Variants in USP25 observed in about 807,000 individuals in gnomAD.
The protein encoded by USP25 is ubiquitin specific peptidase 25, also known as ubiquitin carboxyl-terminal hydrolase 25.
A neutral mutation model predicts 158.5 loss-of-function variants in USP25; 85 were observed. The observed-to-expected ratio is 0.54, with a 90% CI of 0.45 to 0.64. The LOEUF is 0.64. Among genes scored for constraint, USP25 ranks in the 30% least tolerant of loss-of-function variants. USP25 has a pLI of 0.00. For missense variants in USP25, 1,242 were observed against 1,327.3 expected (o/e 0.94, Z 1.00); for synonymous variants, 464 against 460.4 (o/e 1.01, Z -0.10).
chr21:15,802,654 A>G (rs899071182), intron 6 of USP25, among the ~76,000 whole-genome samples: 1 of 151,704 alleles, frequency 6.6e-6, no homozygotes, highest in Non-Finnish European at 1.5e-5. Context: ...AACAGTGATT[A>G]GTGGAAGATA....
chr21:15,859,131 TATATA>T (rs1453226364), intron 20 of USP25, among the ~76,000 whole-genome samples: 2 of 148,764 alleles, frequency 1.3e-5, no homozygotes, highest in African/African-American at 2.4e-5. Flanking sequence ...AAATTATATA[TATATA>T]ATATATCTAT....
At position 15,879,051 on chromosome 21, in the gene USP25, G is replaced by GT. The variant is rs1419085188; in HGVS notation, c.*579dup. Reference sequence around the variant, plus strand: ...CTCTAATGCTAGCAAATTGGAAAATGTTTAAGTCTTTGACACTTAAATTTA... The same window carrying GT: ...CTCTAATGCTAGCAAATTGGAAAATGTTTTAAGTCTTTGACACTTAAATTTA... On this transcript the variant is annotated 3_prime_UTR_variant, in exon 26 of 26. Transcript: ENST00000400183. 6.6e-6 allele frequency: 1 copy of GT among 152,418 alleles called. No individual in the cohort carries two copies. Among genetic ancestry groups the GT allele is most frequent in the Admixed American group, 6.6e-5 (1 of 15,240 alleles). 9.4% of individuals were successfully genotyped at this position (152,418 alleles called of 1,614,324 possible).
At chr21:15,733,479 C>T (rs1393185887) in intron 1 of USP25, among the ~76,000 whole-genome samples, 1 of 151,998 alleles carries the variant, frequency 6.6e-6, no homozygotes, top group East Asian at 1.9e-4. Context: ...ATGCTTTAAT[C>T]CCAGCACTTT....
chr21:15,792,158 A>G (rs947511495), intron 5 of USP25, among the ~76,000 whole-genome samples: 1 of 151,800 alleles, frequency 6.6e-6, no homozygotes, highest in African/African-American at 2.4e-5. Context: ...GATGTGATGA[A>G]TAAATATTGA....
At position 15,762,901 on chromosome 21, in the gene USP25, C is replaced by A. The variant is rs144168951; in HGVS notation, c.56C>A (p.Thr19Lys). Residue 19 changes from threonine to lysine, a missense_variant, in exon 2 of 26, where the codon ACG (threonine) becomes AAG (lysine). This residue lies in a region of USP25 where 627 missense variants were observed against 701.4 expected (regional missense o/e 0.89). Coordinates refer to ENST00000400183, the MANE Select transcript of USP25 (RefSeq NM_001283041.3). ...TTTTCCTCCCTCTAGCACCAGCAGA[C>A]GTTTTTGAATCAACTGAGAGAAATT... is the stretch of plus-strand genomic sequence containing the variant. Reference protein sequence around the residue: ...QQSAAQKHQQTFLNQLREITG... With the variant: ...QQSAAQKHQQKFLNQLREITG... 8.1e-6 allele frequency: 13 copies of A among 1,612,310 alleles called. No individual in the cohort carries two copies. Among genetic ancestry groups the A allele is most frequent in the Middle Eastern group, 1.7e-4 (1 of 6,052 alleles).
chr21:15,842,515 A>G lies in USP25; in HGVS notation c.2312A>G (p.Lys771Arg). The change falls in exon 18 of 26, where the codon AAA becomes AGA. Residue 771 changes from lysine (K) to arginine (R), a missense_variant. Coordinates refer to ENST00000400183, the MANE Select transcript of USP25 (RefSeq NM_001283041.3). ...AAGGCATCACATGAGCATGAAGATA[A>G]AAGTCCTGAAACAGTTTTGCAGTCG... The part of the protein sequence containing the change: ...ITKASHEHED[K>R]SPETVLQSKP... 6.2e-7 allele frequency: 1 copy of G among 1,613,650 alleles called. No homozygotes were observed. Among genetic ancestry groups the G allele is most frequent in the Non-Finnish European group, 8.5e-7 (1 of 1,179,662 alleles).
chr21:15,817,005 G>A (rs1262899968), intron 9 of USP25, among the ~76,000 whole-genome samples: 3 of 151,840 alleles, frequency 2.0e-5, no homozygotes, highest in Non-Finnish European at 4.4e-5. Context: ...GGTGGTGGGC[G>A]CCTGTAATCC....
intron 20 of USP25, among the ~76,000 whole-genome samples, chr21:15,851,836 A>G (rs1269540041): frequency 6.6e-6 from 1 of 151,872 alleles, no homozygotes; most frequent in Non-Finnish European, 1.5e-5. Flanking sequence ...TTTTCTCCTG[A>G]TCCATAACTA....
chr21:15,734,296 A>AT (rs1178672916), intron 1 of USP25, among the ~76,000 whole-genome samples: 3 of 152,210 alleles, frequency 2.0e-5, no homozygotes, highest in African/African-American at 7.2e-5. Flanking sequence ...TTAAAATAAC[A>AT]TGTATTTTCC....
At chr21:15,870,222 G>A in intron 23 of USP25, 75 bp downstream of exon 23, 1 of 963,438 alleles carries the variant, frequency 1.0e-6, no homozygotes, top group Non-Finnish European at 1.5e-6. Flanking sequence ...CCTCATCCAT[G>A]GAAAAGATTT....
intron 6 of USP25, among the ~76,000 whole-genome samples, chr21:15,804,573 ACAGT>A (rs779828767): frequency 6.6e-6 from 1 of 152,040 alleles, no homozygotes; most frequent in Non-Finnish European, 1.5e-5. Flanking sequence ...CACCACAGTG[ACAGT>A]CGGTGATTCA....
chr21:15,879,160 G>T lies in USP25; in HGVS notation c.*685G>T, dbSNP rs895207966. On this transcript the variant is annotated 3_prime_UTR_variant, in exon 26 of 26. Transcript: ENST00000400183. The stretch of plus-strand genomic sequence containing the variant: ...AGTCAGGTTTTTACTCAAGTAAGTG[G>T]TTGATTTTTTTTAAGTCAAACTACA... The T allele has an allele frequency of 6.6e-6, 1 of 152,400 alleles. No homozygotes were observed. Among genetic ancestry groups the T allele is most frequent in the Non-Finnish European group, 1.5e-5 (1 of 67,992 alleles). 9.4% of individuals were successfully genotyped at this position (152,400 alleles called of 1,614,324 possible).
At chr21:15,803,636 C>G (rs376209570) in intron 6 of USP25, among the ~76,000 whole-genome samples, 1 of 151,762 alleles carries the variant, frequency 6.6e-6, no homozygotes, top group East Asian at 1.9e-4. Flanking sequence ...CACTAATTTC[C>G]AAAAATTATT....
At chr21:15,787,908 C>G in intron 4 of USP25, among the ~76,000 whole-genome samples, 1 of 145,840 alleles carries the variant, frequency 6.9e-6, no homozygotes, top group South Asian at 2.3e-4. Flanking sequence ...CCTCACCCCC[C>G]CCCCAAGTAA....
chr21:15,875,298 G>A lies in USP25; in HGVS notation c.3009+772G>A, dbSNP rs1416985627. On this transcript the variant is annotated intron_variant, in intron 24 of 25. Transcript: ENST00000400183. The surrounding 1 kb of genome is among the most constrained non-coding windows in gnomAD (Gnocchi z 4.7). ...ACATACATAGAACCAAAACCTGATG[G>A]TTCCTCTGAAACCTTCAAAAAATGG... Among the ~76,000 whole-genome samples the A allele has an allele frequency of 6.6e-6, 1 of 152,128 alleles. No homozygotes were observed. Among genetic ancestry groups the A allele is most frequent in the African/African-American group, 2.4e-5 (1 of 41,436 alleles).
At chr21:15,765,189 G>A (rs1403118878) in intron 2 of USP25, among the ~76,000 whole-genome samples, 1 of 152,026 alleles carries the variant, frequency 6.6e-6, no homozygotes, top group Non-Finnish European at 1.5e-5. Context: ...AGATAGCTTC[G>A]TTGTGAATAT....
rs1382238640 is a variant in USP25 at position 15,808,839 on chromosome 21, T to C, written c.811T>C (p.Leu271=). 6.2e-7 allele frequency: 1 copy of C among 1,610,732 alleles called. No individual in the cohort carries two copies. Among genetic ancestry groups the C allele is most frequent in the Non-Finnish European group, 8.5e-7 (1 of 1,179,244 alleles). Residue 271 remains leucine (L), a synonymous_variant, in exon 8 of 26, where the codon TTA becomes CTA. Coordinates refer to ENST00000400183, the MANE Select transcript of USP25 (RefSeq NM_001283041.3). Reference sequence around the variant, plus strand: ...TGTGAGTGAGTTTACACACAAATTATTAGATTGGTTAGAAGATGCCTTCCA... The same window carrying C: ...TGTGAGTGAGTTTACACACAAATTACTAGATTGGTTAGAAGATGCCTTCCA... ...QDVSEFTHKL[L]DWLEDAFQMK...
At chr21:15,868,731 G>A (rs1473229845) in intron 22 of USP25, among the ~76,000 whole-genome samples, 2 of 152,146 alleles carry the variant, frequency 1.3e-5, no homozygotes, top group African/African-American at 4.8e-5. Context: ...CAGTTACAGA[G>A]TTGAGTAACT....
At chr21:15,786,542 T>C (rs1055304153) in intron 4 of USP25, among the ~76,000 whole-genome samples, 2 of 152,060 alleles carry the variant, frequency 1.3e-5, no homozygotes, top group Admixed American at 6.6e-5. Flanking sequence ...TTTCAGTAGA[T>C]ACAGAAAAAA....
Sources: gnomAD v4.1 joint callset for allele counts (sites outside exome capture counted in the v4.1 genomes callset) on GRCh38, gnomAD v4.1.1 for gene constraint, gnomAD v4.1.1 regional missense constraint, Gnocchi (gnomAD v3.1) non-coding constraint, MANE v1.5 for transcripts, NCBI Gene and HGNC (gene_info 2026-07-23, HGNC 2026-07-21) for gene names.